The following NVL variants were observed in gnomAD, a reference collection of about 807,000 sequenced individuals.
NVL encodes nuclear valosin-containing protein-like.
A neutral mutation model predicts 110.2 loss-of-function variants in NVL; 84 were observed. That is an observed-to-expected ratio of 0.76 (90% CI 0.64 to 0.91). NVL has a LOEUF of 0.91. NVL is among the 40% of genes least tolerant of loss of function. The probability of loss-of-function intolerance (pLI) is 0.00; values close to 1 mark genes in which losing one functional copy is unlikely to be tolerated. For missense variants in NVL, 882 were observed against 1,035.9 expected (o/e 0.85, Z 2.04); for synonymous variants, 354 against 361.1 (o/e 0.98, Z 0.22).
Position 224,296,380 on chromosome 1 carries a change from T to A in NVL, c.1180+121A>T, listed in dbSNP as rs572096384. 15 of 554,936 alleles carry A rather than the reference T, an allele frequency of 2.7e-5. No individual in the cohort carries two copies. The South Asian group carries it at 4.1e-4, about 15-fold the overall frequency. The allele number at this position is 554,936 out of a possible 1,614,324, so 34.4% of individuals were successfully genotyped here. On this transcript the variant is annotated intron_variant, in intron 11 of 22. Coordinates refer to ENST00000281701, the MANE Select transcript of NVL (RefSeq NM_002533.4). ...CAGGCATGAGCCACTGTGCCCAGTA[T>A]GACTTTTTTTTTACACTATTTGATA...
intron 13 of NVL, among the ~76,000 whole-genome samples, chr1:224,288,386 T>C (rs1667068065): frequency 6.6e-6 from 1 of 152,166 alleles, no homozygotes; most frequent in Non-Finnish European, 1.5e-5. Context: ...GTATAATTCA[T>C]TAATATGGTT....
chr1:224,269,154 A>T, intron 17 of NVL, among the ~76,000 whole-genome samples: 1 of 137,368 alleles, frequency 7.3e-6, no homozygotes, highest in Non-Finnish European at 1.5e-5. Flanking sequence ...CTGGTGTGAT[A>T]TCAGCTCACT....
intron 19 of NVL, among the ~76,000 whole-genome samples, chr1:224,244,588 C>T (rs1661591441): frequency 1.3e-5 from 2 of 151,592 alleles, no homozygotes; most frequent in African/African-American, 4.9e-5. Flanking sequence ...TCTTTTGCCT[C>T]AGCCTCCTGA....
chr1:224,269,511 T>C (rs566965850), intron 17 of NVL, among the ~76,000 whole-genome samples: 2 of 152,264 alleles, frequency 1.3e-5, no homozygotes, highest in East Asian at 3.9e-4. Flanking sequence ...TCTCTTTTCC[T>C]TGAAGCAAAT....
At position 224,303,833 on chromosome 1, in the gene NVL, T is replaced by C; in HGVS notation, c.850A>G (p.Met284Val). Residue 284 changes from methionine to valine, a missense_variant, in exon 9 of 23, where the codon ATG becomes GTG. This residue lies in a region of NVL where 416 missense variants were observed against 499.3 expected (regional missense o/e 0.83). Coordinates refer to ENST00000281701, the MANE Select transcript of NVL (RefSeq NM_002533.4). ...LKEVCKMLIH[M>V]RHPEVYHHLG... is the part of the protein sequence containing the mutation. ...TGGTGGTACACCTCCGGGTGACGCA[T>C]GTGTATGAGCATCTTGCAGACCTCC... is the stretch of plus-strand genomic sequence containing the variant. 6.2e-7 allele frequency: 1 copy of C among 1,613,466 alleles called. No individual in the cohort carries two copies. The highest frequency in any genetic ancestry group is 8.5e-7 in the Non-Finnish European group (1 of 1,179,698).
chr1:224,264,990 C>T (rs183665412), intron 18 of NVL, among the ~76,000 whole-genome samples: 47 of 152,170 alleles, frequency 3.1e-4, no homozygotes, highest in Admixed American at 2.5e-3. Context: ...TGTGATCCGC[C>T]GGCCTCGGCC....
intron 18 of NVL, among the ~76,000 whole-genome samples, chr1:224,260,114 G>A (rs180873346): frequency 9.9e-4 from 150 of 152,280 alleles, no homozygotes; most frequent in Non-Finnish European, 1.6e-3. Flanking sequence ...CCAAGTCATT[G>A]TTCAATTACC....
intron 18 of NVL, among the ~76,000 whole-genome samples, chr1:224,253,305 C>G (rs905180720): frequency 6.6e-6 from 1 of 151,864 alleles, no homozygotes; most frequent in African/African-American, 2.4e-5. Flanking sequence ...CCGCCTTAGC[C>G]TCCCGAAGTG....
chr1:224,268,648 TTTTGTTTG>T (rs145568693), intron 17 of NVL, among the ~76,000 whole-genome samples: 13 of 150,990 alleles, frequency 8.6e-5, no homozygotes, highest in Admixed American at 1.3e-4. Flanking sequence ...GACTAAGCTT[TTTTGTTTG>T]TTTGTTTGTT....
At chr1:224,315,406 T>C (rs1262756025) in intron 4 of NVL, among the ~76,000 whole-genome samples, 1 of 152,174 alleles carries the variant, frequency 6.6e-6, no homozygotes, top group Non-Finnish European at 1.5e-5. Context: ...ATGAGAAATT[T>C]CAACAGATGC....
intron 6 of NVL, 146 bp from the exon 7 acceptor site, chr1:224,305,312 A>T: frequency 1.4e-6 from 1 of 714,384 alleles, no homozygotes; most frequent in South Asian, 2.0e-5. Context: ...TCTTTGCTCA[A>T]AGATGCTGTC....
intron 19 of NVL, among the ~76,000 whole-genome samples, chr1:224,236,987 C>T (rs1358123593): frequency 6.6e-6 from 1 of 152,162 alleles, no homozygotes; most frequent in Non-Finnish European, 1.5e-5. Flanking sequence ...AACTGACTTC[C>T]AGACTGGTGC....
At chr1:224,240,952 G>A (rs368847362) in intron 19 of NVL, among the ~76,000 whole-genome samples, 2 of 151,612 alleles carry the variant, frequency 1.3e-5, no homozygotes, top group Non-Finnish European at 2.9e-5. Context: ...CACCATACCC[G>A]GCTAATTTTT....
intron 18 of NVL, among the ~76,000 whole-genome samples, chr1:224,252,483 C>T (rs1352863217): frequency 6.6e-6 from 1 of 152,072 alleles, no homozygotes; most frequent in Non-Finnish European, 1.5e-5. Flanking sequence ...TCTAATAAAC[C>T]TACTAAGACT....
chr1:224,303,639 G>C (rs1349252191), intron 9 of NVL, 84 bp downstream of exon 9: 4 of 1,427,312 alleles, frequency 2.8e-6, no homozygotes, highest in Non-Finnish European at 3.8e-6. Flanking sequence ...TGCCATGTCT[G>C]GTTTAAGTTG....
chr1:224,289,662 G>T lies in NVL; in HGVS notation c.1397C>A (p.Thr466Asn). Reference protein sequence around the residue: ...AFDFCHLAHLTPGFVGADLMA... With the variant: ...AFDFCHLAHLNPGFVGADLMA... ...GAGATCAGCACCAACAAAGCCTGGA[G>T]TTAGGTGTGCTAAGTGACAGAAATC... Residue 466 changes from threonine to asparagine, a missense_variant, in exon 13 of 23, where the codon ACT (threonine) becomes AAT (asparagine). Transcript: ENST00000281701. 3.7e-6 allele frequency: 6 copies of T among 1,614,242 alleles called. No homozygotes were observed. The highest frequency in any genetic ancestry group is 5.1e-6 in the Non-Finnish European group (6 of 1,180,036).
chr1:224,265,574 T>C (rs547361570), intron 18 of NVL, among the ~76,000 whole-genome samples: 25 of 152,216 alleles, frequency 1.6e-4, no homozygotes, highest in African/African-American at 5.8e-4. Context: ...AACGATAGAA[T>C]AGGTTATTAC....
intron 2 of NVL, among the ~76,000 whole-genome samples, chr1:224,323,353 TG>T (rs2102793977): frequency 6.6e-6 from 1 of 152,308 alleles, no homozygotes; most frequent in East Asian, 1.9e-4. Context: ...ACCTGAAGAT[TG>T]GAAAATTCTC....
chr1:224,253,685 A>G (rs913748072), intron 18 of NVL, among the ~76,000 whole-genome samples: 1 of 149,426 alleles, frequency 6.7e-6, no homozygotes, highest in Admixed American at 6.8e-5. Context: ...GTGAGCCGAG[A>G]TCAGGCCACT....
Sources: allele counts gnomAD v4.1 joint callset (sites outside exome capture counted in the v4.1 genomes callset), GRCh38; gene constraint gnomAD v4.1.1; regional missense constraint gnomAD v4.1.1; transcripts MANE v1.5; gene names NCBI Gene and HGNC (gene_info 2026-07-23, HGNC 2026-07-21).